Variants in TMEM268 observed in about 807,000 individuals in gnomAD.
The protein encoded by TMEM268 is transmembrane protein 268.
Under a neutral mutation model 39.1 loss-of-function variants are expected in TMEM268, and 24 were observed. The ratio of observed to expected loss-of-function variants is 0.61; its 90% confidence interval spans 0.44 to 0.86. The LOEUF is 0.86. Among genes scored for constraint, TMEM268 ranks in the 40% least tolerant of loss-of-function variants. The pLI is 0.00. For synonymous variants in TMEM268, 176 were observed against 173.5 expected (o/e 1.01, Z -0.12); for missense variants, 409 against 428.6 (o/e 0.95, Z 0.40).
chr9:114,622,585 G>A (rs923802733), intron 2 of TMEM268: 1 of 866,432 alleles, frequency 1.2e-6, no homozygotes, highest in African/African-American at 1.8e-5. Context: ...TGGTCTCATG[G>A]TCTGGCTTCA....
chr9:114,625,443 CT>C (rs34082825), intron 3 of TMEM268, among the ~76,000 whole-genome samples: 85,840 of 121,584 alleles, frequency 0.71, 29,768 homozygotes, highest in East Asian at 0.73. Context: ...ACTTCTTCTT[CT>C]TTTTTTTTTT....
At chr9:114,633,983 T>A in intron 6 of TMEM268, 105 bp downstream of exon 6, 2 of 579,904 alleles carry the variant, frequency 3.4e-6, no homozygotes, top group Non-Finnish European at 6.0e-6. Context: ...TTTGCAGTAG[T>A]CTGCTAATGA....
chr9:114,633,297 G>A (rs565558148), intron 5 of TMEM268, among the ~76,000 whole-genome samples: 2 of 152,084 alleles, frequency 1.3e-5, no homozygotes, highest in African/African-American at 4.8e-5. Context: ...GAGTAGCTGG[G>A]ACTACAGGTG....
In TMEM268 at chr9:114,643,294, G is replaced by T; in HGVS notation, c.1010G>T (p.Cys337Phe). ...GCCTACATCCTAGGCACAGGGTGCT[G>T]CCCGTTCCTGGCGAGGTGACCTAGG... ...IEAYILGTGC[C>F]PFLAR The change falls in exon 9 of 9, where the codon TGC becomes TTC. Residue 337 changes from cysteine (C) to phenylalanine (F), a missense_variant. By Grantham distance (205) the Cys-to-Phe change is radical. Transcript: ENST00000288502. 1 of 1,614,110 alleles carries T rather than the reference G, an allele frequency of 6.2e-7. No homozygotes were observed. The highest frequency in any genetic ancestry group is 8.5e-7 in the Non-Finnish European group (1 of 1,179,990).
chr9:114,611,431 G>A lies in TMEM268; in HGVS notation c.-212G>A, dbSNP rs972138561. On this transcript the variant is annotated 5_prime_UTR_variant, in exon 1 of 9. Transcript: ENST00000288502. ...GCCGGGCGGGGGGCGGGCCCGTGAA[G>A]GCGGCGCAGCGCGGCGCGGGAGGCG... 6 of 151,312 alleles carry A rather than the reference G, an allele frequency of 4.0e-5. No individual in the cohort carries two copies. Among genetic ancestry groups the A allele is most frequent in the African/African-American group, 1.5e-4 (6 of 41,312 alleles). 9.4% of individuals were successfully genotyped at this position (151,312 alleles called of 1,614,324 possible). A position where few individuals can be genotyped will look rare whatever the true frequency, so the allele number is the denominator to read the frequency against.
chr9:114,632,340 T>C (rs1313486022), intron 5 of TMEM268, among the ~76,000 whole-genome samples: 1 of 152,156 alleles, frequency 6.6e-6, no homozygotes, highest in Non-Finnish European at 1.5e-5. Flanking sequence ...GCACTGTCCA[T>C]CCCATCCCTG....
upstream of TMEM268, among the ~76,000 whole-genome samples, chr9:114,607,830 T>C (rs1180436081): frequency 6.6e-6 from 1 of 150,906 alleles, no homozygotes; most frequent in African/African-American, 2.4e-5. Context: ...GGGGCTGGGG[T>C]TTGGAGACAA....
the TMEM268 span, among the ~76,000 whole-genome samples, chr9:114,606,160 G>A: frequency 8.5e-5 from 13 of 152,166 alleles, no homozygotes; most frequent in Admixed American, 2.6e-4. Context: ...CTCCACAGCC[G>A]CTAGAGGGGA....
chr9:114,628,297 G>A, intron 5 of TMEM268, 47 bp downstream of exon 5: 1 of 1,588,574 alleles, frequency 6.3e-7, no homozygotes, highest in Non-Finnish European at 8.6e-7. Flanking sequence ...GAAGAGCGGT[G>A]CAGGCGTGAG....
intron 8 of TMEM268, among the ~76,000 whole-genome samples, chr9:114,642,677 C>T (rs998051920): frequency 2.0e-5 from 3 of 152,042 alleles, no homozygotes; most frequent in South Asian, 2.1e-4. Flanking sequence ...GACAGAGTCT[C>T]GCTCTGTTGC....
chr9:114,636,921 C>A, intron 6 of TMEM268, 69 bp from the exon 7 acceptor site: 2 of 983,062 alleles, frequency 2.0e-6, no homozygotes, highest in South Asian at 1.3e-5. Flanking sequence ...ATAGGACTGT[C>A]TCAGGGAGGA....
chr9:114,641,791 A>G (rs1215134439), intron 8 of TMEM268, among the ~76,000 whole-genome samples: 1 of 151,980 alleles, frequency 6.6e-6, no homozygotes, highest in Non-Finnish European at 1.5e-5. Context: ...ATGTGCCACC[A>G]CACCTGGCTA....
intron 1 of TMEM268, among the ~76,000 whole-genome samples, chr9:114,616,369 T>G (rs1357508621): frequency 1.2e-5 from 1 of 83,738 alleles, no homozygotes. Context: ...TTGTTTTTGT[T>G]TTTGTTTTTG....
At chr9:114,634,478 G>C (rs902834532) in intron 6 of TMEM268, among the ~76,000 whole-genome samples, 2 of 152,116 alleles carry the variant, frequency 1.3e-5, no homozygotes, top group African/African-American at 4.8e-5. Context: ...CCGAAGGTTG[G>C]GGGGAGATCT....
intron 1 of TMEM268, among the ~76,000 whole-genome samples, 166 bp from the exon 2 acceptor site, chr9:114,616,952 T>C (rs768297782): frequency 1.4e-4 from 22 of 152,172 alleles, no homozygotes; most frequent in Non-Finnish European, 2.5e-4. Flanking sequence ...CTCCTCCTTC[T>C]CCTCCTGGGA....
In TMEM268 at chr9:114,616,017, C is replaced by CTT. The variant is rs58289502; in HGVS notation, c.-78-1086_-78-1085dup. On this transcript the variant is annotated intron_variant, in intron 1 of 8. Transcript: ENST00000288502. ...TACTTTTCTTTTTCTTTTTTCTTTT[C>CTT]TTTTTTTTTTTTTTTTGAGACGGAG... is the stretch of plus-strand genomic sequence containing the variant. 7.5e-3 allele frequency among the ~76,000 whole-genome samples: 911 copies of CTT among 121,310 alleles called. 11 individuals are homozygous for CTT. The highest frequency in any genetic ancestry group is 0.012 in the Admixed American group (140 of 11,652). The allele number at this position is 121,310 out of a possible 152,430, so 79.6% of individuals were successfully genotyped here.
At chr9:114,633,305 G>A (rs534882319) in intron 5 of TMEM268, among the ~76,000 whole-genome samples, 1 of 151,948 alleles carries the variant, frequency 6.6e-6, no homozygotes, top group Non-Finnish European at 1.5e-5. Context: ...GGGACTACAG[G>A]TGTGTGTCAC....
chr9:114,620,907 C>G (rs1483560207), intron 2 of TMEM268, among the ~76,000 whole-genome samples: 1 of 137,860 alleles, frequency 7.3e-6, no homozygotes, highest in Non-Finnish European at 1.6e-5. Context: ...CACCTCGCCT[C>G]CTTGTCCCCC....
intron 2 of TMEM268, chr9:114,622,291 T>C (rs1301244761): frequency 1.0e-6 from 1 of 985,244 alleles, no homozygotes; most frequent in African/African-American, 1.7e-5. Context: ...TCCTGCCTCA[T>C]TGTCTAAGCA....
Sources: allele counts gnomAD v4.1 joint callset (sites outside exome capture counted in the v4.1 genomes callset), GRCh38; gene constraint gnomAD v4.1.1; transcripts MANE v1.5; gene names NCBI Gene and HGNC (gene_info 2026-07-23, HGNC 2026-07-21).